LAMA3: variants seen among roughly 807,000 people sequenced by gnomAD.
The protein encoded by LAMA3 is laminin subunit alpha-3.
In LAMA3, 281 loss-of-function variants were observed where a neutral mutation model predicts 402.0. The ratio of observed to expected loss-of-function variants is 0.70; its 90% confidence interval spans 0.63 to 0.77. The LOEUF is 0.77. Among genes scored for constraint, LAMA3 ranks in the 30% least tolerant of loss-of-function variants. LAMA3 has a pLI of 0.00. For missense variants in LAMA3, 3,840 were observed against 4,215.5 expected, an observed-to-expected ratio of 0.91 and a Z score of 2.47; for synonymous variants, 1,431 against 1,558.4, an observed-to-expected ratio of 0.92 and a Z score of 1.93.
intron 1 of LAMA3, among the ~76,000 whole-genome samples, chr18:23,713,269 C>G (rs545760615): frequency 2.0e-5 from 3 of 152,186 alleles, no homozygotes; most frequent in African/African-American, 7.2e-5. Context: ...CAAGACCAGC[C>G]GGCCCCTGTG....
chr18:23,854,038 C>G (rs569523036), intron 32 of LAMA3, among the ~76,000 whole-genome samples: 1 of 152,196 alleles, frequency 6.6e-6, no homozygotes, highest in Admixed American at 6.5e-5. Context: ...GCAGGCCCAG[C>G]GGGGCCACTC....
intron 2 of LAMA3, among the ~76,000 whole-genome samples, chr18:23,735,687 G>A (rs1308449007): frequency 1.3e-5 from 2 of 152,258 alleles, no homozygotes; most frequent in Admixed American, 6.5e-5. Flanking sequence ...CCAACCTTGC[G>A]TGTTACATGT....
At chr18:23,845,808 C>A (rs2063801446) in intron 30 of LAMA3, among the ~76,000 whole-genome samples, 1 of 152,136 alleles carries the variant, frequency 6.6e-6, no homozygotes, top group Non-Finnish European at 1.5e-5. Flanking sequence ...CTTCTAGGAG[C>A]CTCAGTTGCC....
At chr18:23,811,798 C>T (rs2063074233) in intron 13 of LAMA3, among the ~76,000 whole-genome samples, 1 of 152,090 alleles carries the variant, frequency 6.6e-6, no homozygotes, top group Admixed American at 6.5e-5. Context: ...GGGAGGATTG[C>T]TTGAGGCCAG....
chr18:23,892,264 G>A (rs905167753), intron 42 of LAMA3, among the ~76,000 whole-genome samples: 3 of 152,024 alleles, frequency 2.0e-5, no homozygotes, highest in Non-Finnish European at 2.9e-5. Context: ...TTTCCCCCAC[G>A]CCAGTAACAA....
intron 1 of LAMA3, among the ~76,000 whole-genome samples, chr18:23,698,714 T>A (rs1259881619): frequency 6.6e-6 from 1 of 152,234 alleles, no homozygotes; most frequent in Non-Finnish European, 1.5e-5. Flanking sequence ...GCCCACGCAC[T>A]TGTGGGTAAT....
chr18:23,907,925 A>C lies in LAMA3; in HGVS notation c.7005A>C (p.Ala2335=). 1 of 1,613,810 alleles carries C rather than the reference A, an allele frequency of 6.2e-7. No individual in the cohort carries two copies. Among genetic ancestry groups the C allele is most frequent in the Non-Finnish European group, 8.5e-7 (1 of 1,179,932 alleles). ...NEDFKKALTD[A]DNSVNKLTNK... is the part of the protein sequence containing the mutation. ...ACTTCAAAAAGGCTCTGACTGATGC[A>C]GATAACTCGGGTATCAGGCGATCTC... Residue 2335 remains alanine (A), a synonymous_variant, in exon 54 of 75, where the codon GCA becomes GCC. Coordinates refer to ENST00000313654, the MANE Select transcript of LAMA3 (RefSeq NM_198129.4).
At position 23,905,618 on chromosome 18, in the gene LAMA3, A is replaced by C; in HGVS notation, c.6712A>C (p.Lys2238Gln). The C allele has an allele frequency of 1.9e-6, 3 of 1,595,588 alleles. No homozygotes were observed. Among genetic ancestry groups the C allele is most frequent in the Non-Finnish European group, 2.6e-6 (3 of 1,163,820 alleles). The part of the protein sequence containing the change: ...NEAKMTQKKL[K>Q]QEVSPALNNL... ...AGCCAAGATGACACAAAAGAAGCTA[A>C]AGCAAGGTATTAGGGGGAGTGGGCA... Residue 2238 changes from lysine to glutamine, a missense_variant, in exon 52 of 75, where the codon AAG (lysine) becomes CAG (glutamine). This residue lies in a region of LAMA3 where 891 missense variants were observed against 857.5 expected (regional missense o/e 1.04). Transcript: ENST00000313654.
rs2064315116 is a variant in LAMA3 at position 23,864,860 on chromosome 18, A to G, written c.4660A>G (p.Lys1554Glu). Reference sequence around the variant, plus strand: ...GCCTGGCGACATGGTTCTTCTGGAAAAGAAGCCGGATGTACAGCTCACTGT... The same window carrying G: ...GCCTGGCGACATGGTTCTTCTGGAAGAGAAGCCGGATGTACAGCTCACTGT... The part of the protein sequence containing the change: ...GLPGDMVLLE[K>E]KPDVQLTGQH... Residue 1554 changes from lysine (K) to glutamate (E), a missense_variant, in exon 36 of 75, where the codon AAG (lysine) becomes GAG (glutamate). Transcript: ENST00000313654. 6.2e-7 allele frequency: 1 copy of G among 1,613,134 alleles called. No homozygotes were observed. Among genetic ancestry groups the G allele is most frequent in the African/African-American group, 1.3e-5 (1 of 74,884 alleles).
At chr18:23,697,962 T>A (rs2060714575) in intron 1 of LAMA3, among the ~76,000 whole-genome samples, 1 of 151,980 alleles carries the variant, frequency 6.6e-6, no homozygotes. Context: ...CATGGTCTCT[T>A]CTCTGTGCGT....
intron 62 of LAMA3, among the ~76,000 whole-genome samples, chr18:23,924,697 C>T (rs2081953251): frequency 6.6e-6 from 1 of 151,816 alleles, no homozygotes; most frequent in Admixed American, 6.6e-5. Flanking sequence ...GTGCCTGCCA[C>T]CATGCCCGGC....
At chr18:23,745,560 A>G (rs547676442) in intron 2 of LAMA3, among the ~76,000 whole-genome samples, 3 of 152,206 alleles carry the variant, frequency 2.0e-5, no homozygotes, top group Admixed American at 2.0e-4. Context: ...CATAGCAAAC[A>G]CTCAGTGGGT....
chr18:23,764,968 G>A (rs544370095), intron 8 of LAMA3, among the ~76,000 whole-genome samples: 3 of 152,120 alleles, frequency 2.0e-5, no homozygotes, highest in East Asian at 3.9e-4. Context: ...TAAACTATGG[G>A]CAAAATACAA....
Position 23,914,524 on chromosome 18 carries a change from A to C in LAMA3, c.7444A>C (p.Thr2482Pro). The change falls in exon 57 of 75, where the codon ACT becomes CCT. Residue 2482 changes from threonine to proline, a missense_variant. Around this residue, in one of 3 missense-constraint regions of LAMA3, gnomAD observed 891 missense variants for 857.5 expected, o/e 1.04. Coordinates refer to ENST00000313654, the MANE Select transcript of LAMA3 (RefSeq NM_198129.4). ...GGACCAGATCTTGACCAAGAGTGAG[A>C]CTAAGGAGGCAGTTATGGATCGGGT... is the stretch of plus-strand genomic sequence containing the variant. ...QVDQILTKSE[T>P]KEAVMDRVKF... The C allele has an allele frequency of 6.2e-7, 1 of 1,614,192 alleles. No homozygotes were observed. The highest frequency in any genetic ancestry group is 8.5e-7 in the Non-Finnish European group (1 of 1,180,030).
intron 17 of LAMA3, among the ~76,000 whole-genome samples, chr18:23,816,030 C>A (rs1031581906): frequency 1.3e-5 from 2 of 152,130 alleles, no homozygotes; most frequent in African/African-American, 2.4e-5. Flanking sequence ...GTTTCTGAAG[C>A]GCGTTTACTC....
In LAMA3 at chr18:23,918,590, T is replaced by A. The variant is rs151333227; in HGVS notation, c.7923+1895T>A. Among the ~76,000 whole-genome samples the A allele has an allele frequency of 8.8e-4, 134 of 152,276 alleles. No individual in the cohort carries two copies. Among genetic ancestry groups the A allele is most frequent in the African/African-American group, 3.1e-3 (129 of 41,540 alleles). ...TCTAAAATCTATTAGGTTAGAAAAG[T>A]CCAAAGTGACACTCTACAAGTGATC... is the stretch of plus-strand genomic sequence containing the variant. On this transcript the variant is annotated intron_variant, in intron 60 of 74. Transcript: ENST00000313654. The surrounding 1 kb of genome is among the most constrained non-coding windows in gnomAD (Gnocchi z 4.1).
At chr18:23,945,918 C>A (rs529688086) in intron 69 of LAMA3, among the ~76,000 whole-genome samples, 1 of 152,008 alleles carries the variant, frequency 6.6e-6, no homozygotes, top group Non-Finnish European at 1.5e-5. Flanking sequence ...TTCTAAGCAA[C>A]CTTTTTTTTT....
intron 1 of LAMA3, among the ~76,000 whole-genome samples, chr18:23,712,997 TA>T (rs2061024991): frequency 6.6e-6 from 1 of 152,098 alleles, no homozygotes; most frequent in Admixed American, 6.5e-5. Flanking sequence ...GTTCAGGTTT[TA>T]GATAGTAAAT....
At chr18:23,698,434 T>C (rs2060727351) in intron 1 of LAMA3, among the ~76,000 whole-genome samples, 1 of 152,150 alleles carries the variant, frequency 6.6e-6, no homozygotes, top group Non-Finnish European at 1.5e-5. Flanking sequence ...CTCAATCTCC[T>C]GATTTTGTGA....
Sources: allele counts gnomAD v4.1 joint callset (sites outside exome capture counted in the v4.1 genomes callset), GRCh38; gene constraint gnomAD v4.1.1; regional missense constraint gnomAD v4.1.1; non-coding constraint Gnocchi (gnomAD v3.1); transcripts MANE v1.5; gene names NCBI Gene and HGNC (gene_info 2026-07-23, HGNC 2026-07-21).